CTNNA2: variants seen among roughly 807,000 people sequenced by gnomAD.
CTNNA2 encodes the protein catenin alpha-2.
CTNNA2 carries 42 observed loss-of-function variants against 101.0 expected under a neutral mutation model. The ratio of observed to expected loss-of-function variants is 0.42; its 90% CI spans 0.32 to 0.54. The LOEUF (loss-of-function observed/expected upper bound fraction) is 0.54. Ranked by LOEUF, CTNNA2 falls within the 20% of genes least tolerant of loss-of-function variation. The pLI is 0.14. For missense variants in CTNNA2, 871 were observed against 1,223.1 expected (o/e 0.71, Z 4.29); for synonymous variants, 450 against 456.4 (o/e 0.99, Z 0.18).
At chr2:79,699,329 T>C (rs1684840088) in intron 2 of CTNNA2, among the ~76,000 whole-genome samples, 1 of 152,094 alleles carries the variant, frequency 6.6e-6, no homozygotes, top group Admixed American at 6.6e-5. Context: ...ATTAATAAGA[T>C]GAGGATCATA....
intron 1 of CTNNA2, among the ~76,000 whole-genome samples, chr2:79,610,492 A>C (rs1426155030): frequency 6.6e-6 from 1 of 152,326 alleles, no homozygotes; most frequent in East Asian, 1.9e-4. Context: ...AAATGAATAT[A>C]TAATGCATGT....
intron 7 of CTNNA2, among the ~76,000 whole-genome samples, chr2:80,005,927 A>G (rs201488785): frequency 2.6e-5 from 4 of 152,178 alleles, no homozygotes; most frequent in East Asian, 3.9e-4. Context: ...AGAGCTACAC[A>G]TAATAGCAAA....
chr2:79,443,760 C>T (rs943736366), intron 4 of CTNNA2, among the ~76,000 whole-genome samples: 3 of 151,986 alleles, frequency 2.0e-5, no homozygotes, highest in African/African-American at 7.2e-5. Context: ...AGTTTCTGAC[C>T]TGGCTCTAAT....
At chr2:79,404,160 A>G (rs1325324393) in intron 4 of CTNNA2, among the ~76,000 whole-genome samples, 1 of 152,042 alleles carries the variant, frequency 6.6e-6, no homozygotes, top group Non-Finnish European at 1.5e-5. Flanking sequence ...AAAAAAGGGC[A>G]ATAGTGTACA....
chr2:79,936,451 C>T (rs750651820), intron 7 of CTNNA2, among the ~76,000 whole-genome samples: 4 of 152,094 alleles, frequency 2.6e-5, no homozygotes, highest in Admixed American at 6.6e-5. Context: ...CAACCCGACC[C>T]CCTTTTCCTC....
At chr2:80,383,538 C>T (rs1676707188) in intron 7 of CTNNA2, among the ~76,000 whole-genome samples, 2 of 152,154 alleles carry the variant, frequency 1.3e-5, no homozygotes, top group Non-Finnish European at 2.9e-5. Context: ...TGGCACACTA[C>T]CTACATGAAA....
chr2:79,566,815 A>G (rs987128863), intron 1 of CTNNA2, among the ~76,000 whole-genome samples: 5 of 152,158 alleles, frequency 3.3e-5, no homozygotes, highest in Non-Finnish European at 5.9e-5. Context: ...CTTTTGAGTT[A>G]TACTCTCTTT....
intron 1 of CTNNA2, among the ~76,000 whole-genome samples, chr2:79,607,025 C>T (rs1483698782): frequency 4.6e-5 from 7 of 151,844 alleles, no homozygotes; most frequent in Admixed American, 6.6e-5. Context: ...AAGGCAAAGC[C>T]GAAGTGTATA....
chr2:80,133,207 C>T (rs1310347696), intron 7 of CTNNA2, among the ~76,000 whole-genome samples: 1 of 152,080 alleles, frequency 6.6e-6, no homozygotes, highest in Non-Finnish European at 1.5e-5. Context: ...GTTATGCTGC[C>T]ACAAGCCAAG....
intron 7 of CTNNA2, chr2:80,304,056 G>A (rs1676657356): frequency 6.9e-6 from 3 of 432,534 alleles, no homozygotes; most frequent in Non-Finnish European, 1.2e-5. Context: ...AGATCAAAGA[G>A]ATGGTGATTT....
intron 1 of CTNNA2, among the ~76,000 whole-genome samples, chr2:79,606,409 A>C (rs1209480131): frequency 6.6e-6 from 1 of 152,134 alleles, no homozygotes; most frequent in African/African-American, 2.4e-5. Flanking sequence ...CTGGGACTAC[A>C]GACACCCGCC....
chr2:79,966,215 G>A (rs755298562), intron 7 of CTNNA2, among the ~76,000 whole-genome samples: 30 of 151,514 alleles, frequency 2.0e-4, no homozygotes, highest in Non-Finnish European at 2.6e-4. Context: ...CCTTGCTTCC[G>A]TCTTATATAT....
At chr2:80,545,846 C>T (rs752658528) in intron 10 of CTNNA2, 61 bp from the exon 11 acceptor site, 101 of 1,559,320 alleles carry the variant, frequency 6.5e-5, no homozygotes, top group African/African-American at 8.1e-5. Context: ...GGTCTTTGAC[C>T]GGCTTATTCC....
At chr2:79,229,496 C>T (rs1460856663) in intron 2 of CTNNA2, among the ~76,000 whole-genome samples, 1 of 152,150 alleles carries the variant, frequency 6.6e-6, no homozygotes, top group Non-Finnish European at 1.5e-5. Context: ...GTGTGACCTT[C>T]CCCAGCCACC....
intron 2 of CTNNA2, among the ~76,000 whole-genome samples, chr2:79,279,961 C>G (rs1675318444): frequency 6.6e-6 from 1 of 152,092 alleles, no homozygotes; most frequent in Non-Finnish European, 1.5e-5. Flanking sequence ...CTCCCTTTTG[C>G]TCTCTATCCT....
chr2:80,254,512 A>G (rs1040685608), intron 7 of CTNNA2, among the ~76,000 whole-genome samples: 1 of 152,180 alleles, frequency 6.6e-6, no homozygotes, highest in Non-Finnish European at 1.5e-5. Flanking sequence ...TTTGAACCAC[A>G]TCAGAACACA....
At chr2:79,316,176 T>G (rs951103583) in intron 3 of CTNNA2, among the ~76,000 whole-genome samples, 15 of 152,080 alleles carry the variant, frequency 9.9e-5, no homozygotes, top group African/African-American at 3.6e-4. Context: ...GATATCAGGA[T>G]GTCCCAGCAC....
At chr2:79,600,607 A>G (rs1677490379) in intron 1 of CTNNA2, among the ~76,000 whole-genome samples, 1 of 152,052 alleles carries the variant, frequency 6.6e-6, no homozygotes, top group Non-Finnish European at 1.5e-5. Flanking sequence ...CACGTAGAAA[A>G]TATAAATAAC....
intron 3 of CTNNA2, among the ~76,000 whole-genome samples, chr2:79,849,103 A>G (rs1428059874): frequency 6.6e-6 from 1 of 152,200 alleles, no homozygotes; most frequent in Non-Finnish European, 1.5e-5. Flanking sequence ...ACATCACTTC[A>G]GAGGCAGTGG....
Sources: gnomAD v4.1 joint callset for allele counts (sites outside exome capture counted in the v4.1 genomes callset) on GRCh38, gnomAD v4.1.1 for gene constraint, MANE v1.5 for transcripts, NCBI Gene and HGNC (gene_info 2026-07-23, HGNC 2026-07-21) for gene names.